TM2D3: variants seen among roughly 807,000 people sequenced by gnomAD.
TM2D3 encodes the protein TM2 domain containing 3, also known as TM2 domain-containing protein 3.
A neutral mutation model predicts 27.3 loss-of-function variants in TM2D3; 33 were observed. The observed-to-expected ratio is 1.21, with a 90% CI of 0.92 to 1.61. The LOEUF (loss-of-function observed/expected upper bound fraction) is 1.61. Among genes scored for constraint, TM2D3 ranks in the 40% most tolerant of loss-of-function variants. The pLI is 0.00. For synonymous variants in TM2D3, 138 were observed against 122.2 expected (o/e 1.13, Z -0.85); for missense variants, 364 against 320.8 (o/e 1.13, Z -1.03).
chr15:101,648,054 C>T (rs574543755), intron 3 of TM2D3, among the ~76,000 whole-genome samples: 3 of 152,082 alleles, frequency 2.0e-5, no homozygotes, highest in Non-Finnish European at 4.4e-5. Context: ...CACCCCACCA[C>T]GCCCAGCTAA....
downstream of TM2D3, among the ~76,000 whole-genome samples, chr15:101,638,024 T>A (rs1407707999): frequency 2.0e-5 from 3 of 152,156 alleles, no homozygotes; most frequent in East Asian, 3.9e-4. Flanking sequence ...TCTGGTTTCT[T>A]GACTAGGATT....
At chr15:101,643,232 T>C (rs950875501) in intron 5 of TM2D3, among the ~76,000 whole-genome samples, 6 of 152,144 alleles carry the variant, frequency 3.9e-5, no homozygotes, top group African/African-American at 1.4e-4. Flanking sequence ...CTGTGTTTCA[T>C]CAAAACCCTC....
At chr15:101,645,030 C>T in intron 5 of TM2D3, 57 bp downstream of exon 5, 1 of 1,464,468 alleles carries the variant, frequency 6.8e-7, no homozygotes, top group Non-Finnish European at 9.5e-7. Flanking sequence ...TCTGAAGATT[C>T]CACCAATCCC....
chr15:101,652,144 G>A, intron 1 of TM2D3, 127 bp downstream of exon 1: 1 of 907,530 alleles, frequency 1.1e-6, no homozygotes, highest in Non-Finnish European at 1.7e-6. Context: ...AGCGACAAGC[G>A]GCCCGGAGCC....
chr15:101,652,052 G>A (rs150134567), intron 1 of TM2D3: 6,931 of 558,172 alleles, frequency 0.012, 71 homozygotes, highest in Middle Eastern at 0.044. Flanking sequence ...CCAGGGCTCC[G>A]CAGCCGCGAT....
chr15:101,648,782 T>A (rs28758178), intron 3 of TM2D3, among the ~76,000 whole-genome samples: 24,457 of 152,276 alleles, frequency 0.16, 2,861 homozygotes, highest in African/African-American at 0.32. Context: ...TAAGCAGTTC[T>A]TAGACATTTC....
Position 101,642,255 on chromosome 15 carries a change from A to G in TM2D3, c.*224T>C. 2.4e-6 allele frequency: 3 copies of G among 1,225,622 alleles called. No homozygotes were observed. The allele number at this position is 1,225,622 out of a possible 1,614,324, so 75.9% of individuals were successfully genotyped here. On this transcript the variant is annotated 3_prime_UTR_variant, in exon 6 of 6. Transcript: ENST00000333202. ...CTGTATAATTCATTCTCCTGGCTTAAGTACGTTTTAATTTTTTCACAGAAA... is the reference window on the plus strand; with the variant it reads ...CTGTATAATTCATTCTCCTGGCTTAGGTACGTTTTAATTTTTTCACAGAAA...
chr15:101,636,722 T>A, intron 4 of TM2D3: 1 of 214,814 alleles, frequency 4.7e-6, no homozygotes. Context: ...ACTCTATGTT[T>A]AACATTTTCA....
intron 2 of TM2D3, chr15:101,651,394 G>C (rs1279822507): frequency 3.0e-6 from 1 of 328,174 alleles, no homozygotes. Flanking sequence ...GAAATTTGCT[G>C]AAGGGAAAGA....
chr15:101,647,041 C>T (rs750264816), intron 3 of TM2D3, 142 bp from the exon 4 acceptor site: 184 of 777,862 alleles, frequency 2.4e-4, no homozygotes, highest in Non-Finnish European at 3.5e-4. Flanking sequence ...AAAACAGTTA[C>T]CAAAACAATA....
chr15:101,640,943 G>A (rs1001027092), downstream of TM2D3, among the ~76,000 whole-genome samples: 2 of 152,200 alleles, frequency 1.3e-5, no homozygotes, highest in Non-Finnish European at 2.9e-5. Flanking sequence ...GGTTAATCAA[G>A]GATGCTGTTA....
downstream of TM2D3, chr15:101,636,998 C>A: frequency 3.0e-6 from 1 of 333,898 alleles, no homozygotes; most frequent in Non-Finnish European, 6.2e-6. Flanking sequence ...ATCAAGAGGT[C>A]CTAAGAACAT....
rs1479985292 is a variant in TM2D3 at position 101,642,256 on chromosome 15, G to A, written c.*223C>T. The A allele has an allele frequency of 8.2e-6, 10 of 1,226,166 alleles. No individual in the cohort carries two copies. Among genetic ancestry groups the A allele is most frequent in the Non-Finnish European group, 3.1e-6 (3 of 981,998 alleles). 76.0% of individuals were successfully genotyped at this position (1,226,166 alleles called of 1,614,324 possible). On this transcript the variant is annotated 3_prime_UTR_variant, in exon 6 of 6. Coordinates refer to ENST00000333202, the MANE Select transcript of TM2D3 (RefSeq NM_078474.3). ...TGTATAATTCATTCTCCTGGCTTAAGTACGTTTTAATTTTTTCACAGAAAA... is the reference window on the plus strand; with the variant it reads ...TGTATAATTCATTCTCCTGGCTTAAATACGTTTTAATTTTTTCACAGAAAA...
chr15:101,642,431 A>C lies in TM2D3; in HGVS notation c.*48T>G, dbSNP rs775577044. ...TCACACCACATCAACTCCTACGGAC[A>C]AAAGGGCTTTTTCTAAGCCCTGCTC... On this transcript the variant is annotated 3_prime_UTR_variant, in exon 6 of 6. Coordinates refer to ENST00000333202, the MANE Select transcript of TM2D3 (RefSeq NM_078474.3). The C allele has an allele frequency of 2.0e-6, 3 of 1,533,930 alleles. No homozygotes were observed. The highest frequency in any genetic ancestry group is 2.6e-6 in the Non-Finnish European group (3 of 1,137,194).
In TM2D3 at chr15:101,642,555, C is replaced by G; in HGVS notation, c.668G>C (p.Gly223Ala). 1 of 1,613,372 alleles carries G rather than the reference C, an allele frequency of 6.2e-7. No homozygotes were observed. The highest frequency in any genetic ancestry group is 8.5e-7 in the Non-Finnish European group (1 of 1,179,862). The change falls in exon 6 of 6, where the codon GGA (glycine) becomes GCA (alanine). Residue 223 changes from glycine to alanine, a missense_variant. Transcript: ENST00000333202. ...LGKLFSFGGL[G>A]IWTLIDVLLI... ...CAGGACGTCTATCAGCGTCCATATT[C>G]CCAGGCCACCGAAGCTGAAGAGCTT...
chr15:101,646,665 C>A (rs768177446), intron 4 of TM2D3, 60 bp downstream of exon 4: 1 of 1,597,818 alleles, frequency 6.3e-7, no homozygotes, highest in Non-Finnish European at 8.6e-7. Flanking sequence ...TGGTTAAAGT[C>A]CCTTCAATAA....
intron 4 of TM2D3, 63 bp from the exon 5 acceptor site, chr15:101,645,225 G>C: frequency 7.4e-7 from 1 of 1,345,870 alleles, no homozygotes; most frequent in South Asian, 1.3e-5. Flanking sequence ...AGACTTAATT[G>C]TAACAAATGG....
downstream of TM2D3, among the ~76,000 whole-genome samples, chr15:101,640,825 TTGGGAACAAGTTCATTTA>T (rs1378306080): frequency 6.6e-6 from 1 of 152,230 alleles, no homozygotes; most frequent in Admixed American, 6.5e-5. Flanking sequence ...TTTTTAGGAT[TTGGGAACAAGTTCATTTA>T]TGCCTCCTTT....
At chr15:101,651,923 G>C (rs1896987140) in intron 1 of TM2D3, 150 bp from the exon 2 acceptor site, 13 of 772,604 alleles carry the variant, frequency 1.7e-5, no homozygotes, top group South Asian at 1.7e-4. Flanking sequence ...CAAAGCTTAG[G>C]GACGAAACGT....
Sources: allele counts gnomAD v4.1 joint callset (sites outside exome capture counted in the v4.1 genomes callset), GRCh38; gene constraint gnomAD v4.1.1; transcripts MANE v1.5; gene names NCBI Gene and HGNC (gene_info 2026-07-23, HGNC 2026-07-21).